The following LPP variants were observed in gnomAD, a reference collection of about 807,000 sequenced individuals.
LPP encodes LIM domain containing preferred translocation partner in lipoma, also known as lipoma-preferred partner.
In LPP, 38 loss-of-function variants were observed where a neutral mutation model predicts 60.4. The ratio of observed to expected loss-of-function variants is 0.63; its 90% CI spans 0.49 to 0.83. The LOEUF is 0.83. Among genes scored for constraint, LPP ranks in the 40% least tolerant of loss-of-function variants. The pLI is 0.00. For missense variants in LPP, 902 were observed against 783.6 expected (o/e 1.15, Z -1.80); for synonymous variants, 328 against 290.8 (o/e 1.13, Z -1.30).
At chr3:188,742,183 A>G (rs560422999) in intron 8 of LPP, among the ~76,000 whole-genome samples, 1 of 152,240 alleles carries the variant, frequency 6.6e-6, no homozygotes, top group South Asian at 2.1e-4. Flanking sequence ...AAATTCTCAT[A>G]CACTGCAGTT....
chr3:188,380,471 G>A (rs13327510), intron 3 of LPP, among the ~76,000 whole-genome samples: 2 of 152,156 alleles, frequency 1.3e-5, no homozygotes, highest in African/African-American at 4.8e-5. Flanking sequence ...TGGACTCATG[G>A]CCTTGAGTAT....
intron 5 of LPP, among the ~76,000 whole-genome samples, chr3:188,509,611 A>G (rs1349802517): frequency 1.4e-5 from 2 of 146,702 alleles, no homozygotes; most frequent in Admixed American, 1.4e-4. Context: ...TCAACTTTTC[A>G]TTTTTTTTTG....
chr3:188,807,461 T>C (rs771208405), intron 9 of LPP, among the ~76,000 whole-genome samples: 1 of 152,046 alleles, frequency 6.6e-6, no homozygotes, highest in Non-Finnish European at 1.5e-5. Flanking sequence ...TTTTGGTGGT[T>C]TGTTGCCTTC....
intron 9 of LPP, among the ~76,000 whole-genome samples, chr3:188,816,032 T>C (rs1434312745): frequency 2.0e-5 from 3 of 150,982 alleles, no homozygotes; most frequent in African/African-American, 7.4e-5. Flanking sequence ...TTCCTTTACA[T>C]TGAGTAAAGT....
intron 8 of LPP, among the ~76,000 whole-genome samples, chr3:188,720,809 A>G (rs1210195865): frequency 4.6e-5 from 7 of 152,292 alleles, no homozygotes; most frequent in African/African-American, 1.7e-4. Context: ...TGAGCCTTGA[A>G]CTTGGCTCTA....
In LPP at chr3:188,889,971, T is replaced by C. The variant is rs144412470; in HGVS notation, c.*15492T>C. On this transcript the variant is annotated 3_prime_UTR_variant, in exon 12 of 12. Transcript: ENST00000617246. ...ATTTCAGTGTAATGTCATAAGGATG[T>C]TGGGATACAGAGATTTTTTTTTTCC... is the stretch of plus-strand genomic sequence containing the variant. The C allele has an allele frequency of 3.8e-3, 812 of 213,600 alleles. 8 individuals carry two copies. Among genetic ancestry groups the C allele is most frequent in the African/African-American group, 0.017 (769 of 44,108 alleles). 13.2% of individuals were successfully genotyped at this position (213,600 alleles called of 1,614,324 possible). A position where few individuals can be genotyped will look rare whatever the true frequency, so the allele number is the denominator to read the frequency against.
intron 2 of LPP, among the ~76,000 whole-genome samples, chr3:188,319,743 A>G (rs563350210): frequency 2.4e-4 from 37 of 152,368 alleles, no homozygotes; most frequent in African/African-American, 8.4e-4. Context: ...TATATAACCA[A>G]AGTATGTTTA....
intron 3 of LPP, among the ~76,000 whole-genome samples, chr3:188,368,784 C>G (rs1352827821): frequency 6.6e-6 from 1 of 150,938 alleles, no homozygotes; most frequent in African/African-American, 2.4e-5. Flanking sequence ...ATTTTATGCT[C>G]AAGGTGAGAA....
intron 7 of LPP, among the ~76,000 whole-genome samples, chr3:188,640,165 A>G (rs1041096218): frequency 6.7e-6 from 1 of 149,924 alleles, no homozygotes; most frequent in African/African-American, 2.4e-5. Flanking sequence ...TGGCACATAT[A>G]CACCATGGAA....
chr3:188,584,542 T>G (rs1375145680), intron 6 of LPP: 1 of 110,840 alleles, frequency 9.0e-6, no homozygotes, highest in Non-Finnish European at 1.9e-5. Flanking sequence ...CTTTTAATTT[T>G]AGTCGTGTGT....
rs574741063 is a variant in LPP at position 188,293,250 on chromosome 3, G to T, written c.-66-48413G>T. Among the ~76,000 whole-genome samples, 205 of 152,286 alleles carry T rather than the reference G, an allele frequency of 1.3e-3. 2 individuals are homozygous for T. Among genetic ancestry groups the T allele is most frequent in the South Asian group, 5.2e-3 (25 of 4,822 alleles). ...AATATCTTAAGAAGCAGAAAATGTG[G>T]TTTTTCTTGAGAGAGAGATGGTTTT... On this transcript the variant is annotated intron_variant, in intron 2 of 11. Coordinates refer to ENST00000617246, the MANE Select transcript of LPP (RefSeq NM_001375462.1).
rs61117647 is a variant in LPP at position 188,879,629 on chromosome 3, A to AT, written c.*5160dup. The AT allele has an allele frequency of 0.024, 4,280 of 180,470 alleles. 179 individuals are homozygous for AT. The highest frequency in any genetic ancestry group is 0.092 in the African/African-American group (3,883 of 42,282). The allele number at this position is 180,470 out of a possible 1,614,324, so 11.2% of individuals were successfully genotyped here. A position where few individuals can be genotyped will look rare whatever the true frequency, so the allele number is the denominator to read the frequency against. ...GTAATCTTTCAAAGACTAGGTTAAG[A>AT]TTTTTTTTTTAAGTCTGAAGCAATG... On this transcript the variant is annotated 3_prime_UTR_variant, in exon 12 of 12. Coordinates refer to ENST00000617246, the MANE Select transcript of LPP (RefSeq NM_001375462.1).
At chr3:188,801,328 A>C (rs1747202522) in intron 9 of LPP, among the ~76,000 whole-genome samples, 1 of 152,212 alleles carries the variant, frequency 6.6e-6, no homozygotes. Context: ...GCAATACTGA[A>C]GAAATCTCTA....
chr3:188,384,252 T>C (rs899884458), intron 3 of LPP, among the ~76,000 whole-genome samples: 3 of 152,186 alleles, frequency 2.0e-5, no homozygotes, highest in Non-Finnish European at 4.4e-5. Context: ...ATTTATTAAC[T>C]CTCTGCCTGA....
chr3:188,533,477 C>T (rs1822745229), intron 6 of LPP, among the ~76,000 whole-genome samples: 1 of 152,166 alleles, frequency 6.6e-6, no homozygotes, highest in Non-Finnish European at 1.5e-5. Flanking sequence ...ATAGTGGCAT[C>T]TTCCTCCTCC....
chr3:188,643,769 A>T (rs183898646), intron 7 of LPP, among the ~76,000 whole-genome samples: 1 of 152,238 alleles, frequency 6.6e-6, no homozygotes, highest in Admixed American at 6.5e-5. Flanking sequence ...ATGTGCTAGG[A>T]TTTCTGTTTG....
chr3:188,521,983 C>T (rs1247230609), intron 5 of LPP, among the ~76,000 whole-genome samples: 1 of 152,108 alleles, frequency 6.6e-6, no homozygotes, highest in Non-Finnish European at 1.5e-5. Flanking sequence ...TACCAGGACC[C>T]CCATTACCCA....
chr3:188,592,553 T>TTTTTTGTTG (rs1553936328), intron 6 of LPP, among the ~76,000 whole-genome samples: 1 of 121,280 alleles, frequency 8.2e-6, no homozygotes, highest in African/African-American at 2.9e-5. Context: ...TTAGTTTTGT[T>TTTTTTGTTG]TTTGTTTTTT....
At chr3:188,859,877 G>A (rs773882321) in intron 9 of LPP, among the ~76,000 whole-genome samples, 9 of 152,014 alleles carry the variant, frequency 5.9e-5, no homozygotes, top group African/African-American at 1.2e-4. Flanking sequence ...GTTTCAAAAC[G>A]TTTCCTATCT....
Sources: allele counts gnomAD v4.1 joint callset (sites outside exome capture counted in the v4.1 genomes callset), GRCh38; gene constraint gnomAD v4.1.1; transcripts MANE v1.5; gene names NCBI Gene and HGNC (gene_info 2026-07-23, HGNC 2026-07-21).